FHIT: variants seen among roughly 807,000 people sequenced by gnomAD.
The protein encoded by FHIT is bis(5'-adenosyl)-triphosphatase.
Under a neutral mutation model 17.9 loss-of-function variants are expected in FHIT, and 19 were observed. That is an observed-to-expected ratio of 1.06 (90% CI 0.74 to 1.56). FHIT has a LOEUF of 1.56. FHIT is among the 40% of genes most tolerant of loss of function. The pLI is 0.00. For missense variants in FHIT, 248 were observed against 189.2 expected (o/e 1.31, Z -1.82); for synonymous variants, 81 against 69.7 (o/e 1.16, Z -0.81).
intron 5 of FHIT, among the ~76,000 whole-genome samples, chr3:60,526,189 G>C (rs2035569526): frequency 6.7e-6 from 1 of 149,910 alleles, no homozygotes; most frequent in African/African-American, 2.5e-5. Flanking sequence ...AAGTGTCCCT[G>C]GTCTAGCTCC....
intron 3 of FHIT, among the ~76,000 whole-genome samples, chr3:60,837,381 G>T (rs539337337): frequency 1.6e-3 from 237 of 152,206 alleles, no homozygotes; most frequent in African/African-American, 5.4e-3. Context: ...TGTCAGTCTT[G>T]CTAGACTGTC....
At chr3:61,031,281 A>G (rs150187199) in intron 3 of FHIT, among the ~76,000 whole-genome samples, 1,989 of 152,312 alleles carry the variant, frequency 0.013, 21 homozygotes, top group South Asian at 0.026. Flanking sequence ...AAATTCAGAT[A>G]CTTTTTCAAA....
At chr3:60,405,393 G>A (rs1000287363) in intron 5 of FHIT, among the ~76,000 whole-genome samples, 3 of 152,222 alleles carry the variant, frequency 2.0e-5, no homozygotes, top group African/African-American at 7.2e-5. Context: ...CCAGATACAT[G>A]GGGGACTTTC....
chr3:60,410,633 T>G, intron 5 of FHIT, among the ~76,000 whole-genome samples: 1 of 152,186 alleles, frequency 6.6e-6, no homozygotes. Flanking sequence ...GAAATTGTAT[T>G]TAAAATGCAG....
chr3:60,670,500 T>C (rs1410570261), intron 4 of FHIT, among the ~76,000 whole-genome samples: 1 of 152,184 alleles, frequency 6.6e-6, no homozygotes, highest in Non-Finnish European at 1.5e-5. Context: ...GCTCCTCAAA[T>C]TTTCTGAGTA....
At chr3:60,597,663 A>G (rs759953124) in intron 4 of FHIT, among the ~76,000 whole-genome samples, 3 of 152,174 alleles carry the variant, frequency 2.0e-5, no homozygotes, top group Non-Finnish European at 2.9e-5. Flanking sequence ...AAGACCCTCA[A>G]GTGTGAACAT....
At chr3:60,347,820 A>G (rs113620055) in intron 5 of FHIT, among the ~76,000 whole-genome samples, 23,575 of 151,818 alleles carry the variant, frequency 0.16, 1,905 homozygotes, top group African/African-American at 0.17. Flanking sequence ...GTGCAATAGC[A>G]CGATCTTGGC....
intron 3 of FHIT, among the ~76,000 whole-genome samples, chr3:60,909,713 AACAACGGAATGCGT>A (rs1706627676): frequency 1.3e-5 from 2 of 152,222 alleles, no homozygotes. Context: ...AGCTGTACTG[AACAACGGAATGCGT>A]ATTTGTCATA....
intron 5 of FHIT, among the ~76,000 whole-genome samples, chr3:60,183,953 C>T (rs213423): frequency 0.97 from 147,339 of 151,942 alleles, 71,465 homozygotes; most frequent in Middle Eastern, 1. Context: ...GTTACAATCA[C>T]TGAACTAGCA....
intron 4 of FHIT, among the ~76,000 whole-genome samples, chr3:60,689,316 T>C (rs1264905553): frequency 1.3e-5 from 2 of 152,020 alleles, no homozygotes; most frequent in African/African-American, 2.4e-5. Context: ...AAAGGACTAA[T>C]ACACTCAGGA....
chr3:60,627,068 G>A (rs1348858475), intron 4 of FHIT, among the ~76,000 whole-genome samples: 1 of 152,024 alleles, frequency 6.6e-6, no homozygotes, highest in Non-Finnish European at 1.5e-5. Context: ...TACAAAATAT[G>A]TTGCTGGATC....
At chr3:61,055,568 T>C (rs2034188558) in intron 2 of FHIT, among the ~76,000 whole-genome samples, 1 of 152,218 alleles carries the variant, frequency 6.6e-6, no homozygotes, top group Non-Finnish European at 1.5e-5. Flanking sequence ...GTGAATGATA[T>C]TTAGAACCAA....
chr3:60,766,180 T>G (rs1205951285), intron 4 of FHIT, among the ~76,000 whole-genome samples: 2 of 152,202 alleles, frequency 1.3e-5, no homozygotes, highest in Non-Finnish European at 2.9e-5. Context: ...TGGAGAACCC[T>G]GACTAATATA....
chr3:60,076,009 T>G (rs1027549491), intron 5 of FHIT, among the ~76,000 whole-genome samples: 1 of 152,154 alleles, frequency 6.6e-6, no homozygotes, highest in South Asian at 2.1e-4. Flanking sequence ...TCTGCAATTG[T>G]TACTTGGGCT....
chr3:60,500,952 C>T (rs73833957), intron 5 of FHIT, among the ~76,000 whole-genome samples: 1,965 of 152,046 alleles, frequency 0.013, 33 homozygotes, highest in African/African-American at 0.045. Context: ...GGCACATATT[C>T]GGTTGGTGCA....
intron 5 of FHIT, among the ~76,000 whole-genome samples, chr3:60,262,487 G>A (rs896673868): frequency 6.6e-6 from 1 of 151,924 alleles, no homozygotes; most frequent in Non-Finnish European, 1.5e-5. Flanking sequence ...AATGGCTGCT[G>A]AAGAGAACTA....
At chr3:61,187,687 C>T (rs1270564291) in intron 2 of FHIT, among the ~76,000 whole-genome samples, 1 of 152,212 alleles carries the variant, frequency 6.6e-6, no homozygotes, top group African/African-American at 2.4e-5. Context: ...GGAAGTAAAG[C>T]TCTCCTCAGC....
At chr3:61,169,788 G>A (rs2037949279) in intron 2 of FHIT, among the ~76,000 whole-genome samples, 1 of 152,170 alleles carries the variant, frequency 6.6e-6, no homozygotes, top group Non-Finnish European at 1.5e-5. Flanking sequence ...TTGCAACAGG[G>A]GAGAGAGATC....
rs114287604 is a variant in FHIT, at chr3:60,188,672, A to C, written c.104-174520T>G. On this transcript the variant is annotated intron_variant, in intron 5 of 9. Coordinates refer to ENST00000492590, the MANE Select transcript of FHIT (RefSeq NM_002012.4). ...GCTTTTCCAAACTTCTTTACATTGC[A>C]TCATAATATATATCACACCATGATG... 9.7e-3 allele frequency among the ~76,000 whole-genome samples: 1,470 copies of C among 152,304 alleles called. 7 individuals carry two copies. The highest frequency in any genetic ancestry group is 0.014 in the Middle Eastern group (4 of 294).
Sources: gnomAD v4.1 joint callset for allele counts (sites outside exome capture counted in the v4.1 genomes callset) on GRCh38, gnomAD v4.1.1 for gene constraint, MANE v1.5 for transcripts, NCBI Gene and HGNC (gene_info 2026-07-23, HGNC 2026-07-21) for gene names.